The following LPP variants were observed in gnomAD, a reference collection of about 807,000 sequenced individuals.
LPP encodes the protein LIM domain containing preferred translocation partner in lipoma.
Under a neutral mutation model 60.4 loss-of-function variants are expected in LPP, and 38 were observed. That is an observed-to-expected ratio of 0.63 (90% CI 0.49 to 0.83). The LOEUF (loss-of-function observed/expected upper bound fraction) is 0.83, where lower values mean the gene tolerates loss of function less well. Among genes scored for constraint, LPP ranks in the 40% least tolerant of loss-of-function variants. The pLI is 0.00. For missense variants in LPP, 902 were observed against 783.6 expected, an observed-to-expected ratio of 1.15 and a Z score of -1.80; for synonymous variants, 328 against 290.8, an observed-to-expected ratio of 1.13 and a Z score of -1.30.
At chr3:188,830,631 CA>C (rs1048526612) in intron 9 of LPP, among the ~76,000 whole-genome samples, 6 of 151,844 alleles carry the variant, frequency 4.0e-5, no homozygotes, top group African/African-American at 1.5e-4. Context: ...AATGCTTCCC[CA>C]CACCCACCCC....
chr3:188,195,494 A>T (rs922863751), intron 1 of LPP, among the ~76,000 whole-genome samples: 1 of 152,210 alleles, frequency 6.6e-6, no homozygotes, highest in African/African-American at 2.4e-5. Flanking sequence ...CCATCCTTCC[A>T]TTCATTTTGT....
At chr3:188,310,010 C>A (rs1336049985) in intron 2 of LPP, among the ~76,000 whole-genome samples, 1 of 151,964 alleles carries the variant, frequency 6.6e-6, no homozygotes, top group Admixed American at 6.6e-5. Flanking sequence ...ATAACAGAAT[C>A]TTTCACACAG....
intron 9 of LPP, among the ~76,000 whole-genome samples, chr3:188,775,263 G>T (rs567247890): frequency 6.6e-6 from 1 of 152,116 alleles, no homozygotes; most frequent in East Asian, 1.9e-4. Flanking sequence ...ATGTTGGCCC[G>T]GATGGTCTGG....
chr3:188,603,591 C>A (rs1841861563), intron 6 of LPP, among the ~76,000 whole-genome samples: 1 of 151,990 alleles, frequency 6.6e-6, no homozygotes, highest in Non-Finnish European at 1.5e-5. Flanking sequence ...AAATTATGTT[C>A]AACACAAAAT....
intron 2 of LPP, among the ~76,000 whole-genome samples, chr3:188,314,314 G>T (rs79433575): frequency 0.012 from 1,859 of 151,934 alleles, 43 homozygotes; most frequent in African/African-American, 0.043. Context: ...TTTTAATTGA[G>T]ACTGGTTGTT....
intron 2 of LPP, among the ~76,000 whole-genome samples, chr3:188,253,601 A>G (rs571267982): frequency 2.0e-5 from 3 of 152,202 alleles, no homozygotes; most frequent in Non-Finnish European, 4.4e-5. Flanking sequence ...GGGTAGTTAG[A>G]GGAAAATGAG....
chr3:188,393,028 A>G (rs919769851), intron 3 of LPP, among the ~76,000 whole-genome samples: 4 of 148,752 alleles, frequency 2.7e-5, no homozygotes, highest in Non-Finnish European at 6.0e-5. Flanking sequence ...TTTTAGACAC[A>G]TTTTTTTTTT....
intron 4 of LPP, among the ~76,000 whole-genome samples, chr3:188,444,002 T>C (rs1266272014): frequency 6.6e-6 from 1 of 152,210 alleles, no homozygotes; most frequent in Non-Finnish European, 1.5e-5. Flanking sequence ...ATGCTTCACT[T>C]TGCAAATATA....
chr3:188,338,106 A>G (rs957375155), intron 2 of LPP, among the ~76,000 whole-genome samples: 2 of 152,244 alleles, frequency 1.3e-5, no homozygotes, highest in African/African-American at 4.8e-5. Context: ...TTTCAACACA[A>G]TCAACCAGAT....
intron 5 of LPP, among the ~76,000 whole-genome samples, chr3:188,494,174 G>A (rs1809253375): frequency 1.3e-5 from 2 of 152,216 alleles, no homozygotes; most frequent in African/African-American, 2.4e-5. Flanking sequence ...GCCCTTAGAT[G>A]CACAGGTCAA....
Position 188,641,414 on chromosome 3 carries a change from A to G in LPP, c.1113+31570A>G, listed in dbSNP as rs562421294. On this transcript the variant is annotated intron_variant, in intron 7 of 11. Transcript: ENST00000617246. ...GAGGGGTTAGTGGGGAGGATTATAC[A>G]GTATTTTTATGTGATTTCATAAATG... Among the ~76,000 whole-genome samples, 142 of 152,312 alleles carry G rather than the reference A, an allele frequency of 9.3e-4. 1 individual carries two copies. The highest frequency in any genetic ancestry group is 1.8e-3 in the Admixed American group (27 of 15,288).
intron 6 of LPP, 57 bp downstream of exon 6, chr3:188,524,844 C>A: frequency 6.5e-7 from 1 of 1,544,512 alleles, no homozygotes; most frequent in South Asian, 1.2e-5. Flanking sequence ...CTACTCTTAT[C>A]AGAAAGAACA....
intron 2 of LPP, among the ~76,000 whole-genome samples, chr3:188,236,108 A>G (rs1484302027): frequency 6.6e-6 from 1 of 152,194 alleles, no homozygotes; most frequent in Non-Finnish European, 1.5e-5. Context: ...AAAATTAATG[A>G]GTAAATATGT....
At chr3:188,334,926 A>G (rs1761228318) in intron 2 of LPP, among the ~76,000 whole-genome samples, 1 of 152,088 alleles carries the variant, frequency 6.6e-6, no homozygotes, top group African/African-American at 2.4e-5. Context: ...TTTTCTGTAT[A>G]TGGATGTCCA....
At chr3:188,523,245 C>T (rs1475225747) in intron 5 of LPP, among the ~76,000 whole-genome samples, 1 of 152,022 alleles carries the variant, frequency 6.6e-6, no homozygotes, top group Non-Finnish European at 1.5e-5. Flanking sequence ...AACAAGGAAG[C>T]CAACTGCCTC....
At position 188,179,038 on chromosome 3, in the gene LPP, C is replaced by CAGAGAG. The variant is rs10616335; in HGVS notation, c.-190+24809_-190+24814dup. 82 of 168,732 alleles carry CAGAGAG rather than the reference C, an allele frequency of 4.9e-4. 3 individuals are homozygous for CAGAGAG. Among genetic ancestry groups the CAGAGAG allele is most frequent in the Admixed American group, 7.5e-4 (9 of 11,944 alleles). The allele number at this position is 168,732 out of a possible 1,614,324, so 10.5% of individuals were successfully genotyped here. A position where few individuals can be genotyped will look rare whatever the true frequency, so the allele number is the denominator to read the frequency against. ...AGCAAGAGAGAGGGAGGGAGAGAGACAGAGAGAGAGAGAGAGAGAGAGAGA... is the reference window on the plus strand; with the variant it reads ...AGCAAGAGAGAGGGAGGGAGAGAGACAGAGAGAGAGAGAGAGAGAGAGAGAGAGAGA... On this transcript the variant is annotated intron_variant, in intron 1 of 11. Coordinates refer to ENST00000617246, the MANE Select transcript of LPP (RefSeq NM_001375462.1).
At chr3:188,292,279 A>G (rs1436120855) in intron 2 of LPP, among the ~76,000 whole-genome samples, 1 of 152,244 alleles carries the variant, frequency 6.6e-6, no homozygotes, top group African/African-American at 2.4e-5. Context: ...TGGGCATATT[A>G]CAGAGGGTTT....
intron 6 of LPP, among the ~76,000 whole-genome samples, chr3:188,560,324 G>T (rs1461971393): frequency 6.6e-6 from 1 of 152,042 alleles, no homozygotes; most frequent in African/African-American, 2.4e-5. Flanking sequence ...AAAATGGTCT[G>T]CAGTCATCAC....
intron 1 of LPP, among the ~76,000 whole-genome samples, chr3:188,214,127 T>TTTC (rs1381374645): frequency 6.6e-6 from 1 of 152,030 alleles, no homozygotes; most frequent in Non-Finnish European, 1.5e-5. Flanking sequence ...ACTTTTTTTT[T>TTTC]TTTCTTTCTT....
Sources: gnomAD v4.1 joint callset for allele counts (sites outside exome capture counted in the v4.1 genomes callset) on GRCh38, gnomAD v4.1.1 for gene constraint, MANE v1.5 for transcripts, NCBI Gene and HGNC (gene_info 2026-07-23, HGNC 2026-07-21) for gene names.